Variants in ALDH1A2 observed in about 807,000 individuals in gnomAD.
ALDH1A2 encodes the protein retinal dehydrogenase 2.
ALDH1A2 carries 27 observed loss-of-function variants against 60.3 expected under a neutral mutation model. The ratio of observed to expected loss-of-function variants is 0.45; its 90% CI spans 0.33 to 0.62. The LOEUF (loss-of-function observed/expected upper bound fraction) is 0.62, where lower values mean the gene tolerates loss of function less well. ALDH1A2 is among the 20% of genes least tolerant of loss of function. ALDH1A2 has a pLI of 0.02. For missense variants in ALDH1A2, 581 were observed against 643.8 expected, an observed-to-expected ratio of 0.90 and a Z score of 1.06; for synonymous variants, 289 against 232.4, an observed-to-expected ratio of 1.24 and a Z score of -2.21.
At chr15:58,018,091 G>C (rs1895833655) in intron 1 of ALDH1A2, among the ~76,000 whole-genome samples, 1 of 152,136 alleles carries the variant, frequency 6.6e-6, no homozygotes, top group Non-Finnish European at 1.5e-5. Context: ...GCTCCTTGGA[G>C]AAATGGTTTA....
At chr15:57,975,957 G>A (rs1894240929) in intron 7 of ALDH1A2, among the ~76,000 whole-genome samples, 1 of 152,016 alleles carries the variant, frequency 6.6e-6, no homozygotes, top group Non-Finnish European at 1.5e-5. Context: ...TTATCAAATT[G>A]TACACTTTAA....
At position 57,962,152 on chromosome 15, in the gene ALDH1A2, T is replaced by C. The variant is rs1893743543; in HGVS notation, c.1111A>G (p.Ile371Val). 2.5e-6 allele frequency: 4 copies of C among 1,614,064 alleles called. No homozygotes were observed. The South Asian group carries it at 4.4e-5, about 18-fold the overall frequency. Residue 371 changes from isoleucine to valine, a missense_variant, in exon 10 of 13, where the codon ATC becomes GTC. Ile to Val is a conservative substitution (Grantham distance 29). Transcript: ENST00000249750. ...PQIDKKQYNK[I>V]LELIQSGVAE... The stretch of plus-strand genomic sequence containing the variant: ...ACACCACTCTGGATGAGTTCCAAGA[T>C]CTTGTTGTACTGTTTCTTATCAATC...
chr15:58,033,825 T>C (rs1310311099), intron 1 of ALDH1A2, among the ~76,000 whole-genome samples: 1 of 148,796 alleles, frequency 6.7e-6, no homozygotes, highest in East Asian at 1.9e-4. Context: ...CTTGGTTCTC[T>C]TCTCTATTTC....
rs557953174 is a variant in ALDH1A2, at chr15:58,007,958, C to A, written c.493+2691G>T. ...TTTCTGTGATCTTCCCCTATGACTC[C>A]CCTGATTTAGTCCAGCTACATTCAC... On this transcript the variant is annotated intron_variant, in intron 4 of 12. Transcript: ENST00000249750. Among the ~76,000 whole-genome samples, 8 of 152,130 alleles carry A rather than the reference C, an allele frequency of 5.3e-5. No homozygotes were observed. The South Asian group carries it at 8.3e-4, about 16-fold the overall frequency.
At chr15:58,012,507 T>C (rs575346054) in intron 3 of ALDH1A2, among the ~76,000 whole-genome samples, 1 of 152,240 alleles carries the variant, frequency 6.6e-6, no homozygotes, top group South Asian at 2.1e-4. Context: ...TTGAGAAGCA[T>C]TTAGTAGGCT....
chr15:57,975,661 AAG>A (rs1394702955), intron 7 of ALDH1A2, among the ~76,000 whole-genome samples: 1 of 152,250 alleles, frequency 6.6e-6, no homozygotes, highest in Admixed American at 6.5e-5. Flanking sequence ...GGCAATAAAA[AAG>A]AACGAATTGA....
chr15:58,004,008 G>T (rs1192839282), intron 4 of ALDH1A2, among the ~76,000 whole-genome samples: 1 of 151,598 alleles, frequency 6.6e-6, no homozygotes, highest in Non-Finnish European at 1.5e-5. Context: ...TTGCATAATT[G>T]TGCAATAACA....
intron 1 of ALDH1A2, chr15:58,036,862 T>C (rs1375881485): frequency 3.3e-5 from 5 of 151,594 alleles, no homozygotes; most frequent in Admixed American, 3.3e-4. Context: ...GAATAACACT[T>C]TGGGGAAATA....
chr15:57,969,107 C>G (rs746681734), intron 7 of ALDH1A2, among the ~76,000 whole-genome samples: 1 of 152,158 alleles, frequency 6.6e-6, no homozygotes, highest in Non-Finnish European at 1.5e-5. Context: ...TATGGGAGAA[C>G]CACTTCCATC....
At chr15:58,059,898 C>T (rs1288554391) in intron 1 of ALDH1A2, among the ~76,000 whole-genome samples, 2 of 152,042 alleles carry the variant, frequency 1.3e-5, no homozygotes, top group South Asian at 2.1e-4. Context: ...ATACATAAAA[C>T]AGACCGGTTT....
chr15:57,979,884 A>C (rs1303794608), intron 7 of ALDH1A2: 1 of 349,640 alleles, frequency 2.9e-6, no homozygotes, highest in Non-Finnish European at 5.9e-6. Flanking sequence ...TATGGTTGGT[A>C]CCCTGGGTGT....
chr15:58,061,906 C>T (rs916947200), intron 1 of ALDH1A2, among the ~76,000 whole-genome samples: 7 of 152,030 alleles, frequency 4.6e-5, no homozygotes, highest in Non-Finnish European at 1.5e-5. Flanking sequence ...TACTAACAAC[C>T]AATTTTTGGC....
At chr15:57,956,834 G>A (rs879402793) in intron 12 of ALDH1A2, among the ~76,000 whole-genome samples, 63 of 152,096 alleles carry the variant, frequency 4.1e-4, no homozygotes, top group Non-Finnish European at 8.5e-4. Context: ...GGGGCAGGTC[G>A]CGAGCCACAC....
chr15:57,996,049 T>A (rs12917536), intron 4 of ALDH1A2, among the ~76,000 whole-genome samples: 2 of 151,922 alleles, frequency 1.3e-5, no homozygotes, highest in African/African-American at 2.4e-5. Context: ...CACTGATACT[T>A]GTTTTCTCTC....
chr15:58,044,045 C>T (rs539142405), intron 1 of ALDH1A2, among the ~76,000 whole-genome samples: 3 of 152,122 alleles, frequency 2.0e-5, no homozygotes, highest in Admixed American at 6.5e-5. Context: ...CTGATTCCCA[C>T]CTCAGTGCTT....
At chr15:58,050,786 G>A (rs1418283803) in intron 1 of ALDH1A2, among the ~76,000 whole-genome samples, 5 of 152,144 alleles carry the variant, frequency 3.3e-5, no homozygotes, top group Non-Finnish European at 7.4e-5. Flanking sequence ...CACAAAAAAA[G>A]TAAAACCAAA....
Position 57,953,879 on chromosome 15 carries a change from G to C in ALDH1A2, c.*1318C>G, listed in dbSNP as rs1233397974. On this transcript the variant is annotated 3_prime_UTR_variant, in exon 13 of 13. Coordinates refer to ENST00000249750, the MANE Select transcript of ALDH1A2 (RefSeq NM_003888.4). ...TTGACAGCTGGAAAGATGGAAGAAGGGATGGAAGAAGGAAAGGAAGCTAAC... is the reference window on the plus strand; with the variant it reads ...TTGACAGCTGGAAAGATGGAAGAAGCGATGGAAGAAGGAAAGGAAGCTAAC... 1 of 152,436 alleles carries C rather than the reference G, an allele frequency of 6.6e-6. No individual in the cohort carries two copies. Among genetic ancestry groups the C allele is most frequent in the Non-Finnish European group, 1.5e-5 (1 of 68,072 alleles). 9.4% of individuals were successfully genotyped at this position (152,436 alleles called of 1,614,324 possible). A position where few individuals can be genotyped will look rare whatever the true frequency, so the allele number is the denominator to read the frequency against.
chr15:57,978,765 G>A (rs564255010), intron 7 of ALDH1A2, among the ~76,000 whole-genome samples: 16 of 152,160 alleles, frequency 1.1e-4, no homozygotes, highest in Non-Finnish European at 1.5e-4. Flanking sequence ...GGCCGGGCAC[G>A]GTGGCTCACG....
At chr15:58,032,966 A>T (rs1455754969) in intron 1 of ALDH1A2, among the ~76,000 whole-genome samples, 2 of 152,122 alleles carry the variant, frequency 1.3e-5, no homozygotes, top group Non-Finnish European at 2.9e-5. Context: ...GGATCTAAAA[A>T]ATATGAACAC....
Sources: allele counts gnomAD v4.1 joint callset (sites outside exome capture counted in the v4.1 genomes callset), GRCh38; gene constraint gnomAD v4.1.1; transcripts MANE v1.5; gene names NCBI Gene and HGNC (gene_info 2026-07-23, HGNC 2026-07-21).